Variants in NKAIN2 observed in about 807,000 individuals in gnomAD.
NKAIN2 encodes the protein sodium/potassium transporting ATPase interacting 2.
In NKAIN2, 14 loss-of-function variants were observed where a neutral mutation model predicts 32.6. That is an observed-to-expected ratio of 0.43 (90% CI 0.28 to 0.67). The LOEUF is 0.67. Among genes scored for constraint, NKAIN2 ranks in the 30% least tolerant of loss-of-function variants. NKAIN2 has a pLI of 0.17. For synonymous variants in NKAIN2, 80 were observed against 87.2 expected (o/e 0.92, Z 0.46); for missense variants, 198 against 258.3 (o/e 0.77, Z 1.60).
intron 3 of NKAIN2, among the ~76,000 whole-genome samples, chr6:124,566,400 A>C (rs1469111613): frequency 6.6e-6 from 1 of 152,052 alleles, no homozygotes; most frequent in Non-Finnish European, 1.5e-5. Context: ...GTCTTATTCC[A>C]CTTCACATTC....
At chr6:124,722,131 A>C (rs1284639279) in intron 4 of NKAIN2, among the ~76,000 whole-genome samples, 1 of 152,190 alleles carries the variant, frequency 6.6e-6, no homozygotes, top group African/African-American at 2.4e-5. Context: ...AGGTTTATCA[A>C]TGTTGTAGCA....
intron 4 of NKAIN2, among the ~76,000 whole-genome samples, chr6:124,699,871 A>T (rs1206706538): frequency 1.3e-5 from 2 of 152,282 alleles, no homozygotes; most frequent in Admixed American, 1.3e-4. Context: ...TGTAATGGGA[A>T]ATTAGACTCT....
chr6:124,139,962 A>C (rs972645513), intron 1 of NKAIN2, among the ~76,000 whole-genome samples: 1 of 152,192 alleles, frequency 6.6e-6, no homozygotes, highest in Non-Finnish European at 1.5e-5. Context: ...CACAGATGTT[A>C]TTAATTTCTA....
chr6:124,596,058 A>G (rs1355485224), intron 3 of NKAIN2, among the ~76,000 whole-genome samples: 1 of 152,168 alleles, frequency 6.6e-6, no homozygotes, highest in Non-Finnish European at 1.5e-5. Flanking sequence ...GAAGAGAAAA[A>G]AAAGTAAATT....
intron 1 of NKAIN2, among the ~76,000 whole-genome samples, chr6:123,818,327 C>G (rs1773782466): frequency 6.7e-6 from 1 of 149,988 alleles, no homozygotes. Flanking sequence ...TTTTTAGACT[C>G]TAACAAATTT....
chr6:124,475,862 A>G (rs998204738), intron 3 of NKAIN2, among the ~76,000 whole-genome samples: 1 of 152,142 alleles, frequency 6.6e-6, no homozygotes, highest in Non-Finnish European at 1.5e-5. Context: ...CTTTTCTCAA[A>G]ATAAATAAAT....
At chr6:124,360,412 T>C (rs1799228783) in intron 3 of NKAIN2, among the ~76,000 whole-genome samples, 1 of 152,152 alleles carries the variant, frequency 6.6e-6, no homozygotes, top group African/African-American at 2.4e-5. Flanking sequence ...CAACTCACAG[T>C]GTACATTCAT....
intron 1 of NKAIN2, among the ~76,000 whole-genome samples, chr6:124,001,463 A>C (rs1231815949): frequency 6.6e-6 from 1 of 152,076 alleles, no homozygotes; most frequent in Non-Finnish European, 1.5e-5. Flanking sequence ...AGGAAAAAGT[A>C]ACATTGTTTA....
intron 1 of NKAIN2, among the ~76,000 whole-genome samples, chr6:123,846,834 A>ACG (rs1428017748): frequency 2.3e-5 from 2 of 86,084 alleles, no homozygotes; most frequent in Non-Finnish European, 3.1e-5. Flanking sequence ...CGCCACACAC[A>ACG]CGCACGCGCG....
intron 3 of NKAIN2, among the ~76,000 whole-genome samples, chr6:124,496,320 G>A (rs2114736306): frequency 6.6e-6 from 1 of 152,200 alleles, no homozygotes; most frequent in East Asian, 1.9e-4. Context: ...GAGTAAAATA[G>A]TATGGATAAC....
At chr6:123,821,047 G>A (rs916338391) in intron 1 of NKAIN2, among the ~76,000 whole-genome samples, 1 of 152,120 alleles carries the variant, frequency 6.6e-6, no homozygotes, top group Non-Finnish European at 1.5e-5. Flanking sequence ...TTTACACCGA[G>A]GACATTGATC....
chr6:123,866,483 T>G (rs934954648), intron 1 of NKAIN2, among the ~76,000 whole-genome samples: 3 of 152,064 alleles, frequency 2.0e-5, no homozygotes, highest in Non-Finnish European at 2.9e-5. Context: ...CAGGCTGGAG[T>G]GCGGTGGTGC....
intron 1 of NKAIN2, among the ~76,000 whole-genome samples, chr6:124,145,483 C>A (rs971018899): frequency 6.9e-6 from 1 of 144,904 alleles, no homozygotes. Context: ...ATTAAACTGA[C>A]AAACTTTTTT....
At chr6:124,349,525 A>G (rs1215248269) in intron 2 of NKAIN2, among the ~76,000 whole-genome samples, 3 of 152,194 alleles carry the variant, frequency 2.0e-5, no homozygotes, top group Non-Finnish European at 4.4e-5. Flanking sequence ...ATTAATACAT[A>G]TAGATAATAT....
chr6:124,443,209 C>A (rs73772117), intron 3 of NKAIN2, among the ~76,000 whole-genome samples: 1,802 of 152,150 alleles, frequency 0.012, 31 homozygotes, highest in African/African-American at 0.041. Flanking sequence ...CCTATCCTCC[C>A]ACATGTGTCT....
At chr6:124,618,603 A>G (rs1316972383) in intron 3 of NKAIN2, among the ~76,000 whole-genome samples, 5 of 152,216 alleles carry the variant, frequency 3.3e-5, no homozygotes, top group Non-Finnish European at 1.5e-5. Flanking sequence ...GTTGTTCTCC[A>G]AATGAAAAGA....
chr6:124,701,497 T>G (rs1206718945), intron 4 of NKAIN2, among the ~76,000 whole-genome samples: 8 of 151,982 alleles, frequency 5.3e-5, no homozygotes, highest in South Asian at 2.1e-4. Context: ...AATTAAACAA[T>G]ACAAACTGGC....
At chr6:124,062,652 C>CTTT (rs1562336070) in intron 1 of NKAIN2, among the ~76,000 whole-genome samples, 4 of 152,108 alleles carry the variant, frequency 2.6e-5, no homozygotes, top group Non-Finnish European at 4.4e-5. Flanking sequence ...TGGGCTCAAA[C>CTTT]GATACACCTG....
chr6:124,682,290 T>C (rs1205988208), intron 4 of NKAIN2, among the ~76,000 whole-genome samples: 1 of 152,072 alleles, frequency 6.6e-6, no homozygotes, highest in Admixed American at 6.6e-5. Context: ...GTTCCCATTA[T>C]AGGAAGGATG....
Sources: gnomAD v4.1 joint callset for allele counts (sites outside exome capture counted in the v4.1 genomes callset) on GRCh38, gnomAD v4.1.1 for gene constraint, MANE v1.5 for transcripts, NCBI Gene and HGNC (gene_info 2026-07-23, HGNC 2026-07-21) for gene names.